The following PUM3 variants were observed in gnomAD, a reference collection of about 807,000 sequenced individuals.
PUM3 encodes the protein pumilio RNA binding family member 3.
PUM3 carries 91 observed loss-of-function variants against 84.0 expected under a neutral mutation model. The ratio of observed to expected loss-of-function variants is 1.08; its 90% CI spans 0.91 to 1.29. PUM3 has a LOEUF of 1.29. PUM3 is among the 50% of genes most tolerant of loss of function. PUM3 has a pLI of 0.00. For missense variants in PUM3, 1,067 were observed against 767.5 expected (o/e 1.39, Z -4.61); for synonymous variants, 321 against 266.7 (o/e 1.20, Z -1.98).
intron 9 of PUM3, among the ~76,000 whole-genome samples, chr9:2,828,323 G>C (rs1050424538): frequency 2.0e-5 from 3 of 152,322 alleles, no homozygotes; most frequent in African/African-American, 7.2e-5. Context: ...TTATAGGCGT[G>C]AGCCACTGTA....
At chr9:2,822,407 T>C (rs973551372) in intron 12 of PUM3, among the ~76,000 whole-genome samples, 1 of 151,950 alleles carries the variant, frequency 6.6e-6, no homozygotes, top group African/African-American at 2.4e-5. Context: ...CCCCCAATAT[T>C]TGGAAATTAA....
intron 9 of PUM3, 99 bp downstream of exon 9, chr9:2,828,576 G>C: frequency 1.4e-6 from 1 of 717,670 alleles, no homozygotes; most frequent in South Asian, 1.6e-5. Context: ...ATTAATACTT[G>C]TAAGCAGGAA....
In PUM3 at chr9:2,810,425, T is replaced by A; in HGVS notation, c.1642A>T (p.Ile548Phe). The A allele has an allele frequency of 1.2e-6, 2 of 1,605,906 alleles. No individual in the cohort carries two copies. Among genetic ancestry groups the A allele is most frequent in the East Asian group, 2.2e-5 (1 of 44,814 alleles). ...AGATGTCCTGCAGGATGTTCTGCAA[T>A]GTGAAGCTATGAAGGGTCAAGAACA... Reference protein sequence around the residue: ...HPGGKDGELHIAEHPAGHLVL... With the variant: ...HPGGKDGELHFAEHPAGHLVL... Residue 548 changes from isoleucine (I) to phenylalanine (F), a missense_variant, in exon 16 of 18, where the codon ATT becomes TTT. Transcript: ENST00000397885.
intron 12 of PUM3, among the ~76,000 whole-genome samples, chr9:2,821,074 T>G (rs1821579326): frequency 6.6e-6 from 1 of 151,922 alleles, no homozygotes; most frequent in Non-Finnish European, 1.5e-5. Flanking sequence ...AATAACGAAG[T>G]TGCTAACTGT....
intron 13 of PUM3, among the ~76,000 whole-genome samples, chr9:2,814,426 G>A (rs993382832): frequency 1.3e-5 from 2 of 152,090 alleles, no homozygotes; most frequent in Admixed American, 6.6e-5. Context: ...GGCCAGGCTG[G>A]TCTCGAACTC....
At chr9:2,806,060 T>A (rs1476959120) in intron 17 of PUM3, among the ~76,000 whole-genome samples, 5 of 152,254 alleles carry the variant, frequency 3.3e-5, no homozygotes, top group Non-Finnish European at 7.3e-5. Context: ...CCTGTTCCAA[T>A]TCTGAGTAGT....
Position 2,837,162 on chromosome 9 carries a change from G to C in PUM3, c.304+18C>G, listed in dbSNP as rs1563836015. ...ATCGTTCAGGCACTAGTTCAGGCATGAACGAACCAGTACTTACCATCGCTT... is the reference window on the plus strand; with the variant it reads ...ATCGTTCAGGCACTAGTTCAGGCATCAACGAACCAGTACTTACCATCGCTT... On this transcript the variant is annotated intron_variant, in intron 3 of 17. Transcript: ENST00000397885. 5.6e-6 allele frequency: 9 copies of C among 1,607,150 alleles called. No homozygotes were observed. The highest frequency in any genetic ancestry group is 7.7e-6 in the Non-Finnish European group (9 of 1,173,898).
chr9:2,843,671 C>T (rs1287779473), intron 1 of PUM3, among the ~76,000 whole-genome samples: 1 of 150,836 alleles, frequency 6.6e-6, no homozygotes, highest in Non-Finnish European at 1.5e-5. Context: ...CTCCGCCTCC[C>T]GGGTTCACGC....
chr9:2,826,808 T>C (rs1396514259), intron 10 of PUM3, among the ~76,000 whole-genome samples: 1 of 152,166 alleles, frequency 6.6e-6, no homozygotes, highest in Admixed American at 6.5e-5. Context: ...TCAGATTAGG[T>C]TAGCCAGCGG....
rs1208047429 is a variant in PUM3 at position 2,837,274 on chromosome 9, A to AT, written c.209dup (p.Asn70LysfsTer2). The AT allele has an allele frequency of 6.2e-7, 1 of 1,614,108 alleles. No homozygotes were observed. The highest frequency in any genetic ancestry group is 8.5e-7 in the Non-Finnish European group (1 of 1,179,976). On this transcript the variant is annotated frameshift_variant, in exon 3 of 18. Coordinates refer to ENST00000397885, the MANE Select transcript of PUM3 (RefSeq NM_014878.5). LOFTEE classifies it high-confidence loss of function. ...TTGGTGATTTGTCCCCTTGCTGCTT[A>AT]TTCTTGAACTGCTTTACACCCTTTT...
chr9:2,813,718 G>A (rs956817230), intron 13 of PUM3, among the ~76,000 whole-genome samples: 49 of 152,314 alleles, frequency 3.2e-4, no homozygotes, highest in Admixed American at 2.4e-3. Flanking sequence ...CGATGGGACC[G>A]TGAATCTCAC....
At position 2,810,335 on chromosome 9, in the gene PUM3, A is replaced by G. The variant is rs1821339555; in HGVS notation, c.1723+9T>C. On this transcript the variant is annotated intron_variant, in intron 16 of 17. Coordinates refer to ENST00000397885, the MANE Select transcript of PUM3 (RefSeq NM_014878.5). Reference sequence around the variant, plus strand: ...GAGATACAAGAAAAGGTCAAATTTCATAGCCTACCTTCTCTCCCATTTTCT... The same window carrying G: ...GAGATACAAGAAAAGGTCAAATTTCGTAGCCTACCTTCTCTCCCATTTTCT... The G allele has an allele frequency of 6.4e-7, 1 of 1,568,428 alleles. No homozygotes were observed. The highest frequency in any genetic ancestry group is 1.4e-5 in the African/African-American group (1 of 73,930).
chr9:2,809,550 A>C (rs1432787935), intron 16 of PUM3, among the ~76,000 whole-genome samples: 1 of 152,168 alleles, frequency 6.6e-6, no homozygotes, highest in Non-Finnish European at 1.5e-5. Context: ...TGATTGCCAC[A>C]CTAGCCATCA....
intron 8 of PUM3, 111 bp downstream of exon 8, chr9:2,829,663 A>T: frequency 1.1e-6 from 1 of 931,286 alleles, no homozygotes; most frequent in Non-Finnish European, 1.6e-6. Context: ...ATGGTCTCTT[A>T]AAGAACCAGC....
intron 12 of PUM3, among the ~76,000 whole-genome samples, chr9:2,822,731 AATAAT>A (rs1282227681): frequency 2.1e-5 from 1 of 47,092 alleles, no homozygotes; most frequent in African/African-American, 6.0e-5. Flanking sequence ...TTTATAACAT[AATAAT>A]ATAATGTTAT....
rs1334362580 is a variant in PUM3 at position 2,810,369 on chromosome 9, T to C, written c.1698A>G (p.Lys566=). 6.2e-7 allele frequency: 1 copy of C among 1,610,800 alleles called. No individual in the cohort carries two copies. The highest frequency in any genetic ancestry group is 1.7e-5 in the Admixed American group (1 of 59,746). ...LVLKWLIEQD[K]KMKENGREGC... is the part of the protein sequence containing the mutation. Reference sequence around the variant, plus strand: ...CTTCTCTCCCATTTTCTTTCATCTTTTTATCTTGCTCTATTAACCACTTCA... The same window carrying C: ...CTTCTCTCCCATTTTCTTTCATCTTCTTATCTTGCTCTATTAACCACTTCA... The change falls in exon 16 of 18, where the codon AAA becomes AAG. Residue 566 remains lysine (K), a synonymous_variant. Coordinates refer to ENST00000397885, the MANE Select transcript of PUM3 (RefSeq NM_014878.5).
chr9:2,837,108 C>G (rs1301427454), intron 3 of PUM3, 72 bp downstream of exon 3: 1 of 1,297,668 alleles, frequency 7.7e-7, no homozygotes, highest in African/African-American at 1.5e-5. Flanking sequence ...TGTGAGGTTT[C>G]TAACGCACCT....
chr9:2,814,313 G>C (rs1007543208), intron 13 of PUM3, among the ~76,000 whole-genome samples: 2 of 106,762 alleles, frequency 1.9e-5, no homozygotes, highest in African/African-American at 7.5e-5. Flanking sequence ...CTGGGTTCAA[G>C]CAATTCTCCT....
rs1283799030 is a variant in PUM3, at chr9:2,838,493, C to G, written c.15G>C (p.Gly5=). The G allele has an allele frequency of 6.8e-6, 11 of 1,612,988 alleles. No homozygotes were observed. The East Asian group carries it at 2.0e-4, about 29-fold the overall frequency. Residue 5 remains glycine (G), a synonymous_variant, in exon 2 of 18, where the codon GGG becomes GGC. Transcript: ENST00000397885. ...TACTCTTTCCTGTGAATTGCTTTTT[C>G]CCTTTAACTTCCATCGTAGCAACTC... is the stretch of plus-strand genomic sequence containing the variant. MEVK[G]KKQFTGKSTK...
Sources: allele counts gnomAD v4.1 joint callset (sites outside exome capture counted in the v4.1 genomes callset), GRCh38; gene constraint gnomAD v4.1.1; transcripts MANE v1.5; gene names NCBI Gene and HGNC (gene_info 2026-07-23, HGNC 2026-07-21).